The following ZFP64 variants were observed in gnomAD, a reference collection of about 807,000 sequenced individuals.
ZFP64 encodes the protein ZFP64 zinc finger protein.
Under a neutral mutation model 51.6 loss-of-function variants are expected in ZFP64, and 14 were observed. The ratio of observed to expected loss-of-function variants is 0.27; its 90% CI spans 0.18 to 0.42. ZFP64 has a LOEUF of 0.42. ZFP64 is among the 10% of genes least tolerant of loss of function. The pLI is 1.00. For missense variants in ZFP64, 754 were observed against 906.8 expected (o/e 0.83, Z 2.16); for synonymous variants, 375 against 361.4 (o/e 1.04, Z -0.43).
chr20:52,162,838 G>T (rs1036498025), intron 4 of ZFP64, among the ~76,000 whole-genome samples: 2 of 152,094 alleles, frequency 1.3e-5, no homozygotes, highest in Non-Finnish European at 2.9e-5. Context: ...CTGTTGCTGT[G>T]GTTCCCCCAA....
chr20:52,153,308 C>T lies in ZFP64; in HGVS notation c.884G>A (p.Arg295His), dbSNP rs1600762345. 10 of 1,614,164 alleles carry T rather than the reference C, an allele frequency of 6.2e-6. No individual in the cohort carries two copies. The highest frequency in any genetic ancestry group is 7.6e-6 in the Non-Finnish European group (9 of 1,180,038). ...CTTGAGGTTCCCCTTCATGGTGCAG[C>T]GGACATTGCAGAACTCGCACTTGAA... ...KPFKCEFCNV[R>H]CTMKGNLKSH... Residue 295 changes from arginine to histidine, a missense_variant, in exon 6 of 6, where the codon CGC becomes CAC. Arg to His is a conservative substitution (Grantham distance 29). Around this residue, in one of 3 missense-constraint regions of ZFP64, gnomAD observed 231 missense variants for 336.7 expected, o/e 0.69. Coordinates refer to ENST00000216923, the MANE Select transcript of ZFP64 (RefSeq NM_018197.3). The surrounding 1 kb of genome is among the most constrained non-coding windows in gnomAD (Gnocchi z 5.1).
In ZFP64 at chr20:52,129,350, GT is replaced by G. The variant is rs538384239; in HGVS notation, c.764-30764del. ...TTTTTGTATTTTTAGTAGAGATGGGGTTTTGCTATGTTGCCCAGGCTGGTCT... is the reference window on the plus strand; with the variant it reads ...TTTTTGTATTTTTAGTAGAGATGGGGTTTGCTATGTTGCCCAGGCTGGTCT... On this transcript the variant is annotated intron_variant, in intron 5 of 8. Coordinates refer to the ZFP64 transcript ENST00000361387. 8.5e-3 allele frequency among the ~76,000 whole-genome samples: 1,290 copies of G among 151,762 alleles called. 7 individuals are homozygous for G. Among genetic ancestry groups the G allele is most frequent in the Non-Finnish European group, 0.015 (985 of 67,872 alleles).
chr20:52,189,682 C>T (rs187599854), intron 1 of ZFP64, among the ~76,000 whole-genome samples: 118 of 152,098 alleles, frequency 7.8e-4, no homozygotes, highest in African/African-American at 2.2e-3. Flanking sequence ...TCATGTTGGT[C>T]AGGCTGGTCT....
At chr20:52,177,762 G>T (rs2123097516) in intron 2 of ZFP64, among the ~76,000 whole-genome samples, 1 of 152,326 alleles carries the variant, frequency 6.6e-6, no homozygotes, top group African/African-American at 2.4e-5. Context: ...GCCGGGCGTG[G>T]TTGCTGACGC....
At chr20:52,183,400 G>C (rs887601105) in intron 2 of ZFP64, among the ~76,000 whole-genome samples, 3 of 152,170 alleles carry the variant, frequency 2.0e-5, no homozygotes, top group Admixed American at 6.5e-5. Context: ...GAGAGGTTCT[G>C]GGATTTTGGT....
At chr20:52,084,933 C>A in exon 9 of ZFP64, 1 of 1,613,728 alleles carries the variant, frequency 6.2e-7, no homozygotes, top group Non-Finnish European at 8.5e-7. Context: ...CTTGAAGGGA[C>A]GGTCCTTACA....
chr20:52,091,690 C>T (rs754028778), intron 7 of ZFP64, among the ~76,000 whole-genome samples: 3 of 151,628 alleles, frequency 2.0e-5, no homozygotes, highest in Non-Finnish European at 2.9e-5. Context: ...TTTCCTATTT[C>T]AAAACCTATG....
chr20:52,132,127 G>A (rs2122884007), intron 5 of ZFP64, among the ~76,000 whole-genome samples: 1 of 152,060 alleles, frequency 6.6e-6, no homozygotes, highest in African/African-American at 2.4e-5. Context: ...ATGACCAATG[G>A]GTCAATGAAG....
At chr20:52,161,641 A>G (rs1382391505) in intron 4 of ZFP64, among the ~76,000 whole-genome samples, 1 of 152,146 alleles carries the variant, frequency 6.6e-6, no homozygotes, top group Non-Finnish European at 1.5e-5. Context: ...CATGAAAAAG[A>G]GTAAGTCGAT....
At chr20:52,105,430 C>T in intron 5 of ZFP64, 3 of 1,188,078 alleles carry the variant, frequency 2.5e-6, no homozygotes, top group Non-Finnish European at 3.2e-6. Flanking sequence ...AGGAGTCCCG[C>T]GGACTTGCGG....
At chr20:52,104,660 G>T (rs756381184) in intron 5 of ZFP64, 40 of 471,688 alleles carry the variant, frequency 8.5e-5, no homozygotes, top group Admixed American at 4.5e-4. Context: ...TACCTGCACA[G>T]CTCGCTCCCT....
intron 5 of ZFP64, among the ~76,000 whole-genome samples, chr20:52,106,134 T>C (rs566289779): frequency 6.6e-6 from 1 of 152,106 alleles, no homozygotes; most frequent in Non-Finnish European, 1.5e-5. Flanking sequence ...AGGAGTGCTT[T>C]TGGGGCCAAC....
chr20:52,138,259 T>C (rs1206706160), intron 5 of ZFP64, among the ~76,000 whole-genome samples: 3 of 151,902 alleles, frequency 2.0e-5, no homozygotes, highest in Non-Finnish European at 4.4e-5. Flanking sequence ...GAGATGAATA[T>C]ATAACTTTCT....
At chr20:52,101,070 T>C (rs1163194105) in intron 5 of ZFP64, among the ~76,000 whole-genome samples, 1 of 152,132 alleles carries the variant, frequency 6.6e-6, no homozygotes, top group East Asian at 1.9e-4. Context: ...TTTGCATGCA[T>C]GTTTGAGAAT....
At chr20:52,110,845 T>A in intron 5 of ZFP64, 1 of 1,608,046 alleles carries the variant, frequency 6.2e-7, no homozygotes, top group Admixed American at 1.7e-5. Context: ...CTTGTCACCA[T>A]AATCTGAGAT....
At chr20:52,176,020 C>T (rs1052001953) in intron 2 of ZFP64, 2 of 960,604 alleles carry the variant, frequency 2.1e-6, no homozygotes, top group African/African-American at 3.5e-5. Context: ...TGTTGGAAGC[C>T]CTGACCACGC....
intron 4 of ZFP64, among the ~76,000 whole-genome samples, chr20:52,164,279 T>C (rs1233947748): frequency 6.6e-6 from 1 of 152,130 alleles, no homozygotes; most frequent in Non-Finnish European, 1.5e-5. Flanking sequence ...TGTCTCAAAA[T>C]ATAAAAGAAA....
intron 5 of ZFP64, among the ~76,000 whole-genome samples, chr20:52,145,353 C>T (rs1324845869): frequency 6.6e-6 from 1 of 152,156 alleles, no homozygotes; most frequent in African/African-American, 2.4e-5. Flanking sequence ...TATAACTAAA[C>T]ATAGAAAAGG....
chr20:52,093,308 T>C (rs138910228), intron 7 of ZFP64, among the ~76,000 whole-genome samples: 1 of 152,166 alleles, frequency 6.6e-6, no homozygotes, highest in African/African-American at 2.4e-5. Flanking sequence ...GCGTGGCTAA[T>C]ATTTGTATTT....
Sources: gnomAD v4.1 joint callset for allele counts (sites outside exome capture counted in the v4.1 genomes callset) on GRCh38, gnomAD v4.1.1 for gene constraint, gnomAD v4.1.1 regional missense constraint, Gnocchi (gnomAD v3.1) non-coding constraint, MANE v1.5 for transcripts, NCBI Gene and HGNC (gene_info 2026-07-23, HGNC 2026-07-21) for gene names.